MAN2A1: variants seen among roughly 807,000 people sequenced by gnomAD.
The protein encoded by MAN2A1 is alpha-mannosidase 2.
Under a neutral mutation model 142.6 loss-of-function variants are expected in MAN2A1, and 76 were observed. That is an observed-to-expected ratio of 0.53 (90% CI 0.44 to 0.65). MAN2A1 has a LOEUF of 0.65. Ranked by LOEUF, MAN2A1 falls within the 30% of genes least tolerant of loss-of-function variation. MAN2A1 has a pLI of 0.00. For missense variants in MAN2A1, 1,311 were observed against 1,365.1 expected, an observed-to-expected ratio of 0.96 and a Z score of 0.62; for synonymous variants, 559 against 473.2, an observed-to-expected ratio of 1.18 and a Z score of -2.35.
rs181381774 is a variant in MAN2A1 at position 109,791,194 on chromosome 5, A to G, written c.1943+1667A>G. ...TTCTTTACAGTTCTTTTTTTATCAAATATTGACTTCCTATTTCTGTAGGTT... is the reference window on the plus strand; with the variant it reads ...TTCTTTACAGTTCTTTTTTTATCAAGTATTGACTTCCTATTTCTGTAGGTT... On this transcript the variant is annotated intron_variant, in intron 12 of 21. Coordinates refer to ENST00000261483, the MANE Select transcript of MAN2A1 (RefSeq NM_002372.4). Among the ~76,000 whole-genome samples, 18 of 152,038 alleles carry G rather than the reference A, an allele frequency of 1.2e-4. No individual in the cohort carries two copies. The East Asian group carries it at 3.5e-3, about 29-fold the overall frequency.
At chr5:109,711,062 G>C (rs1415179820) in intron 1 of MAN2A1, among the ~76,000 whole-genome samples, 3 of 152,188 alleles carry the variant, frequency 2.0e-5, no homozygotes, top group Admixed American at 2.0e-4. Context: ...TCCTGACCAG[G>C]TGATCCACCC....
intron 12 of MAN2A1, among the ~76,000 whole-genome samples, chr5:109,814,183 T>G (rs1350024261): frequency 6.6e-6 from 1 of 152,188 alleles, no homozygotes; most frequent in African/African-American, 2.4e-5. Flanking sequence ...ACCCTCCCCA[T>G]TCTGAAGATA....
intron 5 of MAN2A1, among the ~76,000 whole-genome samples, chr5:109,764,471 T>G (rs1752937767): frequency 1.3e-5 from 2 of 152,168 alleles, no homozygotes; most frequent in Admixed American, 1.3e-4. Flanking sequence ...TATTGTACTT[T>G]TTCCTAAGTT....
chr5:109,854,870 G>A, intron 19 of MAN2A1: 1 of 272,322 alleles, frequency 3.7e-6, no homozygotes, highest in East Asian at 7.1e-5. Flanking sequence ...GTCCTGAAAT[G>A]TTTGTAGGAA....
chr5:109,755,002 A>C (rs919507695), intron 4 of MAN2A1, among the ~76,000 whole-genome samples: 1 of 152,150 alleles, frequency 6.6e-6, no homozygotes, highest in African/African-American at 2.4e-5. Flanking sequence ...ACTCTGTCTC[A>C]AATAAATAAA....
intron 16 of MAN2A1, among the ~76,000 whole-genome samples, chr5:109,827,927 A>G (rs1166185815): frequency 6.6e-6 from 1 of 152,124 alleles, no homozygotes; most frequent in Non-Finnish European, 1.5e-5. Flanking sequence ...AGGTGAAAGA[A>G]ACCCCGTCTC....
At chr5:109,807,685 C>T (rs2301015) in intron 12 of MAN2A1, among the ~76,000 whole-genome samples, 56,430 of 151,910 alleles carry the variant, frequency 0.37, 11,274 homozygotes, top group African/African-American at 0.53. Context: ...CGAATGAGCT[C>T]CCCATACCGT....
intron 3 of MAN2A1, among the ~76,000 whole-genome samples, chr5:109,717,041 T>G (rs886494022): frequency 1.3e-5 from 2 of 151,826 alleles, no homozygotes; most frequent in African/African-American, 4.8e-5. Flanking sequence ...GAGTACCCAG[T>G]CACAGATAAT....
chr5:109,710,545 C>A (rs1751270668), intron 1 of MAN2A1, among the ~76,000 whole-genome samples: 1 of 151,560 alleles, frequency 6.6e-6, no homozygotes, highest in South Asian at 2.1e-4. Flanking sequence ...CGCTTTATCG[C>A]CTATGTTGGA....
chr5:109,865,810 A>G (rs1236478215), intron 21 of MAN2A1, among the ~76,000 whole-genome samples: 2 of 152,146 alleles, frequency 1.3e-5, no homozygotes, highest in African/African-American at 4.8e-5. Flanking sequence ...TGGCAGTTCC[A>G]TCAAGCCTGT....
intron 4 of MAN2A1, among the ~76,000 whole-genome samples, chr5:109,737,574 T>A (rs1181106971): frequency 6.6e-6 from 1 of 152,182 alleles, no homozygotes; most frequent in Non-Finnish European, 1.5e-5. Context: ...CTACTGTTTT[T>A]ATCTTCGTAC....
intron 12 of MAN2A1, among the ~76,000 whole-genome samples, chr5:109,812,815 C>G (rs572570939): frequency 6.6e-6 from 1 of 152,238 alleles, no homozygotes; most frequent in African/African-American, 2.4e-5. Context: ...AGCCCCACAT[C>G]AGTAGATACT....
At chr5:109,759,161 G>A (rs769287745) in intron 5 of MAN2A1, among the ~76,000 whole-genome samples, 28 of 152,010 alleles carry the variant, frequency 1.8e-4, no homozygotes, top group Non-Finnish European at 3.8e-4. Flanking sequence ...GAATATTGCC[G>A]TTTTAACAAT....
chr5:109,827,104 G>A (rs970179489), intron 16 of MAN2A1, among the ~76,000 whole-genome samples: 1 of 152,194 alleles, frequency 6.6e-6, no homozygotes, highest in African/African-American at 2.4e-5. Flanking sequence ...TTAATGAATA[G>A]AGCCTATTTG....
At chr5:109,708,509 GACACACAC>G (rs145989678) in intron 1 of MAN2A1, among the ~76,000 whole-genome samples, 11 of 124,542 alleles carry the variant, frequency 8.8e-5, no homozygotes, top group South Asian at 3.1e-4. Flanking sequence ...GAACTGATAG[GACACACAC>G]ACACACACAC....
rs1376749309 is a variant in MAN2A1 at position 109,868,005 on chromosome 5, T to A, written c.*1007T>A. On this transcript the variant is annotated 3_prime_UTR_variant, in exon 22 of 22. Coordinates refer to ENST00000261483, the MANE Select transcript of MAN2A1 (RefSeq NM_002372.4). ...ATCTGTTTCATTAAATTTGTGGTGATGTTACTCTAAACATTTTGACTATTT... is the reference window on the plus strand; with the variant it reads ...ATCTGTTTCATTAAATTTGTGGTGAAGTTACTCTAAACATTTTGACTATTT... 1 of 152,162 alleles carries A rather than the reference T, an allele frequency of 6.6e-6. No homozygotes were observed. Among genetic ancestry groups the A allele is most frequent in the Admixed American group, 6.5e-5 (1 of 15,280 alleles). The allele number at this position is 152,162 out of a possible 1,614,324, so 9.4% of individuals were successfully genotyped here. A position where few individuals can be genotyped will look rare whatever the true frequency, so the allele number is the denominator to read the frequency against.
At chr5:109,823,031 A>G (rs1417476696) in intron 15 of MAN2A1, among the ~76,000 whole-genome samples, 2 of 152,330 alleles carry the variant, frequency 1.3e-5, no homozygotes, top group Middle Eastern at 3.4e-3. Flanking sequence ...TTTCTATGCT[A>G]TTGTTGAGCT....
intron 12 of MAN2A1, among the ~76,000 whole-genome samples, chr5:109,804,914 TTATGTAC>T (rs1036008756): frequency 6.6e-6 from 1 of 152,126 alleles, no homozygotes; most frequent in African/African-American, 2.4e-5. Flanking sequence ...ATTAGGTTGT[TTATGTAC>T]TATGTGTTCT....
rs766774709 is a variant in MAN2A1, at chr5:109,776,133, C to T, written c.1374+1168C>T. On this transcript the variant is annotated intron_variant, in intron 8 of 21. Coordinates refer to ENST00000261483, the MANE Select transcript of MAN2A1 (RefSeq NM_002372.4). ...CTACATAAGAAGATTAATTATTCAG[C>T]ATGTTTATTATTTCACATATTGACA... 2.1e-4 allele frequency among the ~76,000 whole-genome samples: 31 copies of T among 150,416 alleles called. 1 individual carries two copies. The highest frequency in any genetic ancestry group is 4.2e-4 in the South Asian group (2 of 4,780).
Sources: gnomAD v4.1 joint callset for allele counts (sites outside exome capture counted in the v4.1 genomes callset) on GRCh38, gnomAD v4.1.1 for gene constraint, MANE v1.5 for transcripts, NCBI Gene and HGNC (gene_info 2026-07-23, HGNC 2026-07-21) for gene names.